PLCG2: variants seen among roughly 807,000 people sequenced by gnomAD.
PLCG2 encodes the protein 1-phosphatidylinositol 4,5-bisphosphate phosphodiesterase gamma-2.
A neutral mutation model predicts 175.6 loss-of-function variants in PLCG2; 69 were observed. The observed-to-expected ratio is 0.39, with a 90% CI of 0.32 to 0.48. PLCG2 has a LOEUF of 0.48. Ranked by LOEUF, PLCG2 falls within the 20% of genes least tolerant of loss-of-function variation. The pLI is 0.91. For synonymous variants in PLCG2, 827 were observed against 624.0 expected, an observed-to-expected ratio of 1.33 and a Z score of -4.85; for missense variants, 1,798 against 1,650.9, an observed-to-expected ratio of 1.09 and a Z score of -1.54.
At chr16:81,874,015 G>C (rs985973851) in intron 7 of PLCG2, among the ~76,000 whole-genome samples, 1 of 152,174 alleles carries the variant, frequency 6.6e-6, no homozygotes, top group Non-Finnish European at 1.5e-5. Flanking sequence ...AGATTGCCCC[G>C]TGTGGAACTT....
chr16:81,767,729 C>T (rs1017771666), intron 2 of PLCG2: 1 of 152,266 alleles, frequency 6.6e-6, no homozygotes, highest in African/African-American at 2.4e-5. Context: ...TTCCTCACCC[C>T]TCCCCAATTC....
intron 2 of PLCG2, among the ~76,000 whole-genome samples, chr16:81,853,661 C>T (rs35610796): frequency 0.12 from 18,777 of 152,140 alleles, 1,305 homozygotes; most frequent in South Asian, 0.18. Context: ...GCTTACTTGC[C>T]GGTACCAGTC....
chr16:81,811,849 T>C (rs532603236), intron 2 of PLCG2, among the ~76,000 whole-genome samples: 1 of 152,314 alleles, frequency 6.6e-6, no homozygotes, highest in African/African-American at 2.4e-5. Context: ...TGTGTCTTTA[T>C]AGTAGAATGA....
chr16:81,912,473 T>C, intron 18 of PLCG2, 124 bp from the exon 19 acceptor site: 2 of 1,194,422 alleles, frequency 1.7e-6, no homozygotes, highest in Non-Finnish European at 2.3e-6. Flanking sequence ...CTGTGTGATT[T>C]CCATGGTCGT....
intron 7 of PLCG2, among the ~76,000 whole-genome samples, chr16:81,876,232 A>G (rs3935744): frequency 0.78 from 118,471 of 151,758 alleles, 47,072 homozygotes; most frequent in East Asian, 0.97. Flanking sequence ...CATGTTACCC[A>G]GGCTAGGCTT....
chr16:81,808,198 C>T (rs1010939345), intron 2 of PLCG2, among the ~76,000 whole-genome samples: 2 of 152,204 alleles, frequency 1.3e-5, no homozygotes, highest in African/African-American at 4.8e-5. Flanking sequence ...TTCATTTAAG[C>T]ATTTGTGACT....
intron 9 of PLCG2, among the ~76,000 whole-genome samples, chr16:81,888,581 T>G (rs1222724258): frequency 6.6e-6 from 1 of 152,212 alleles, no homozygotes; most frequent in East Asian, 1.9e-4. Flanking sequence ...GTACATTTCA[T>G]ACAATGCTTC....
chr16:81,954,166 G>T (rs994000602), intron 31 of PLCG2, among the ~76,000 whole-genome samples: 14 of 151,746 alleles, frequency 9.2e-5, no homozygotes, highest in Non-Finnish European at 1.6e-4. Context: ...GGGAGTACAG[G>T]GTATGCCACC....
At chr16:81,882,158 C>T (rs747885639) in intron 8 of PLCG2, among the ~76,000 whole-genome samples, 4 of 152,184 alleles carry the variant, frequency 2.6e-5, no homozygotes, top group Non-Finnish European at 4.4e-5. Context: ...CTCAGGGAAA[C>T]ATACCCATTA....
chr16:81,885,207 A>C (rs1908298962), intron 9 of PLCG2, among the ~76,000 whole-genome samples: 1 of 152,190 alleles, frequency 6.6e-6, no homozygotes, highest in South Asian at 2.1e-4. Context: ...TATTTTTAAT[A>C]GAGTCGGGGT....
chr16:81,912,767 C>G (rs1014479379), intron 19 of PLCG2, 51 bp downstream of exon 19: 2 of 1,520,176 alleles, frequency 1.3e-6, no homozygotes, highest in African/African-American at 2.8e-5. Context: ...TTGGCAAGGA[C>G]AGATGCGGAG....
chr16:81,792,480 C>CAAAAAAAAAAAAAAAAAAAAAA (rs532680550), intron 2 of PLCG2, among the ~76,000 whole-genome samples: 11 of 70,154 alleles, frequency 1.6e-4, no homozygotes, highest in African/African-American at 4.0e-4. Context: ...GGCTCTGTCT[C>CAAAAAAAAAAAAAAAAAAAAAA]AAAAAAAAAA....
intron 32 of PLCG2, among the ~76,000 whole-genome samples, chr16:81,957,234 G>A (rs1911610402): frequency 6.6e-6 from 1 of 151,606 alleles, no homozygotes; most frequent in African/African-American, 2.4e-5. Flanking sequence ...GGGAGGCAGA[G>A]GTTGCAGTGA....
chr16:81,827,544 A>G (rs1352840791), intron 2 of PLCG2, among the ~76,000 whole-genome samples: 8 of 152,268 alleles, frequency 5.3e-5, no homozygotes, highest in South Asian at 2.1e-4. Flanking sequence ...GATCAGAAAC[A>G]TAAATACCTG....
chr16:81,746,935 C>G (rs548942817), intron 1 of PLCG2, among the ~76,000 whole-genome samples: 4 of 152,206 alleles, frequency 2.6e-5, no homozygotes, highest in Admixed American at 6.5e-5. Context: ...TCATTAAATT[C>G]CAGCCAAAAT....
intron 5 of PLCG2, among the ~76,000 whole-genome samples, chr16:81,861,015 A>G (rs1048701589): frequency 6.6e-6 from 1 of 152,004 alleles, no homozygotes; most frequent in Non-Finnish European, 1.5e-5. Flanking sequence ...AAAAACAACA[A>G]AAAAACCCAC....
chr16:81,882,976 C>G (rs563334258), intron 8 of PLCG2, among the ~76,000 whole-genome samples: 5 of 152,132 alleles, frequency 3.3e-5, no homozygotes, highest in African/African-American at 1.2e-4. Flanking sequence ...TGGCCACACT[C>G]CTGGAGGGGC....
rs139732944 is a variant in PLCG2, at chr16:81,750,081, A to T, written c.-144-5789A>T. ...AAGTTAAAAACACATAGAGGTATCT[A>T]TGTTTTAGCAAACATAGAAAACAAT... is the stretch of plus-strand genomic sequence containing the variant. On this transcript the variant is annotated intron_variant, in intron 1 of 5. Coordinates refer to the PLCG2 transcript ENST00000565054. Among the ~76,000 whole-genome samples the T allele has an allele frequency of 4.1e-3, 617 of 152,316 alleles. 2 individuals carry two copies. Among genetic ancestry groups the T allele is most frequent in the African/African-American group, 0.015 (603 of 41,560 alleles).
intron 1 of PLCG2, among the ~76,000 whole-genome samples, chr16:81,781,152 T>A (rs1233870431): frequency 6.6e-6 from 1 of 152,236 alleles, no homozygotes; most frequent in African/African-American, 2.4e-5. Context: ...TTGTATCCTC[T>A]ACCCTCTCCC....
Sources: gnomAD v4.1 joint callset for allele counts (sites outside exome capture counted in the v4.1 genomes callset) on GRCh38, gnomAD v4.1.1 for gene constraint, MANE v1.5 for transcripts, NCBI Gene and HGNC (gene_info 2026-07-23, HGNC 2026-07-21) for gene names.